Variants in TNIK observed in about 807,000 individuals in gnomAD.
The protein encoded by TNIK is TRAF2 and NCK interacting kinase.
A neutral mutation model predicts 191.3 loss-of-function variants in TNIK; 49 were observed. The observed-to-expected ratio is 0.26, with a 90% CI of 0.20 to 0.32. The LOEUF is 0.32. TNIK is among the 10% of genes least tolerant of loss of function. TNIK has a pLI of 1.00. For synonymous variants in TNIK, 594 were observed against 600.9 expected, an observed-to-expected ratio of 0.99 and a Z score of 0.17; for missense variants, 1,155 against 1,702.3, an observed-to-expected ratio of 0.68 and a Z score of 5.66.
At chr3:171,101,974 T>TG (rs1723646431) in intron 21 of TNIK, 1 of 169,138 alleles carries the variant, frequency 5.9e-6, no homozygotes, top group Admixed American at 6.4e-5. Flanking sequence ...CCAGAGTTAA[T>TG]GGGAAAATAT....
intron 25 of TNIK, 132 bp from the exon 26 acceptor site, chr3:171,084,457 C>T: frequency 9.5e-7 from 1 of 1,057,608 alleles, no homozygotes. Context: ...TGAAACTCTC[C>T]TTATTTTACA....
At chr3:171,101,905 A>T (rs1258770272) in intron 21 of TNIK, 1 of 259,654 alleles carries the variant, frequency 3.9e-6, no homozygotes, top group Non-Finnish European at 7.2e-6. Context: ...ATGTGTATGT[A>T]CACATATATA....
At chr3:171,093,815 TAC>T (rs748781374) in intron 23 of TNIK, 22 bp downstream of exon 23, 4 of 1,612,078 alleles carry the variant, frequency 2.5e-6, no homozygotes, top group Non-Finnish European at 3.4e-6. Context: ...GCATTTCCTC[TAC>T]ACAGTTTTTA....
chr3:171,263,454 C>T (rs1747923045), intron 2 of TNIK, among the ~76,000 whole-genome samples: 1 of 152,052 alleles, frequency 6.6e-6, no homozygotes. Flanking sequence ...CAGAGAGGAA[C>T]AATTTTGAGA....
At chr3:171,353,605 T>C (rs1713552872) in intron 2 of TNIK, among the ~76,000 whole-genome samples, 1 of 152,026 alleles carries the variant, frequency 6.6e-6, no homozygotes, top group South Asian at 2.1e-4. Context: ...ACATACTAAA[T>C]CTATGAAACA....
At chr3:171,126,630 G>A (rs1182414700) in intron 16 of TNIK, among the ~76,000 whole-genome samples, 1 of 152,158 alleles carries the variant, frequency 6.6e-6, no homozygotes, top group Non-Finnish European at 1.5e-5. Flanking sequence ...TTACACCGGA[G>A]CAATGTAAGG....
At chr3:171,083,952 G>T (rs56163219) in intron 26 of TNIK, among the ~76,000 whole-genome samples, 1,934 of 152,032 alleles carry the variant, frequency 0.013, 45 homozygotes, top group African/African-American at 0.045. Context: ...TCGTCTTCCT[G>T]GCTAGTAGCG....
chr3:171,163,019 G>A (rs1469452538), intron 10 of TNIK, among the ~76,000 whole-genome samples: 2 of 152,216 alleles, frequency 1.3e-5, no homozygotes, highest in African/African-American at 4.8e-5. Context: ...CCCTTCTCCA[G>A]GCAGTTAGCA....
At position 171,101,729 on chromosome 3, in the gene TNIK, A is replaced by C. The variant is rs1039192626; in HGVS notation, c.2407-96T>G. On this transcript the variant is annotated intron_variant, in intron 21 of 32. Coordinates refer to ENST00000436636, the MANE Select transcript of TNIK (RefSeq NM_015028.4). The stretch of plus-strand genomic sequence containing the variant: ...TGCTCCAGCTTAAGCAACAAGAAAA[A>C]AAAAAGCTCTATATAGAACTGTGAC... 2.9e-5 allele frequency: 37 copies of C among 1,282,648 alleles called. No homozygotes were observed. In the African/African-American group the frequency reaches 5.4e-4, roughly 19 times the overall value. 79.5% of individuals were successfully genotyped at this position (1,282,648 alleles called of 1,614,324 possible).
chr3:171,154,230 T>C (rs987835000), intron 12 of TNIK, among the ~76,000 whole-genome samples: 1 of 147,982 alleles, frequency 6.8e-6, no homozygotes, highest in Admixed American at 6.8e-5. Flanking sequence ...CCATGATTAC[T>C]GGCCAATAAG....
chr3:171,126,087 T>TC lies in TNIK; in HGVS notation c.1837dup (p.Glu613GlyfsTer42), dbSNP rs1728439462. ...CCCAGAGAGGCCCTTTGTGGGCTGC[T>TC]CGTGCACTGACTGGGAGGCGGTCAA... On this transcript the variant is annotated frameshift_variant, in exon 17 of 33. Transcript: ENST00000436636. LOFTEE classifies it high-confidence loss of function. The TC allele has an allele frequency of 6.2e-7, 1 of 1,605,792 alleles. No individual in the cohort carries two copies. Among genetic ancestry groups the TC allele is most frequent in the Non-Finnish European group, 8.5e-7 (1 of 1,175,466 alleles).
intron 18 of TNIK, among the ~76,000 whole-genome samples, chr3:171,118,768 C>T (rs1298934889): frequency 6.6e-6 from 1 of 152,138 alleles, no homozygotes; most frequent in Non-Finnish European, 1.5e-5. Flanking sequence ...CCCTTCCTTA[C>T]ACCTTATACA....
chr3:171,347,695 A>T (rs895748352), intron 2 of TNIK, among the ~76,000 whole-genome samples: 1 of 152,140 alleles, frequency 6.6e-6, no homozygotes, highest in African/African-American at 2.4e-5. Context: ...GGGAAGTTAG[A>T]AATCAGAACT....
chr3:171,317,255 G>A (rs952416475), intron 2 of TNIK, among the ~76,000 whole-genome samples: 2 of 152,158 alleles, frequency 1.3e-5, no homozygotes, highest in African/African-American at 2.4e-5. Flanking sequence ...CACAGACCAA[G>A]TATATTAACA....
intron 12 of TNIK, among the ~76,000 whole-genome samples, chr3:171,145,756 A>C (rs944490651): frequency 2.0e-5 from 3 of 150,490 alleles, no homozygotes; most frequent in Admixed American, 2.0e-4. Flanking sequence ...TATTCCTCAC[A>C]AGGGCTGTGG....
At chr3:171,071,679 C>T (rs953991256) in intron 28 of TNIK, among the ~76,000 whole-genome samples, 3 of 152,018 alleles carry the variant, frequency 2.0e-5, no homozygotes, top group African/African-American at 7.3e-5. Flanking sequence ...TACGTTCACC[C>T]ATATTTAAGT....
At chr3:171,256,657 G>C (rs1178125061) in intron 2 of TNIK, among the ~76,000 whole-genome samples, 1 of 152,170 alleles carries the variant, frequency 6.6e-6, no homozygotes, top group Non-Finnish European at 1.5e-5. Flanking sequence ...TAGCTGAGGA[G>C]TCATCCAATT....
intron 21 of TNIK, among the ~76,000 whole-genome samples, chr3:171,102,465 G>A (rs985524931): frequency 2.6e-5 from 4 of 152,116 alleles, no homozygotes; most frequent in Admixed American, 1.3e-4. Context: ...CATACTGCAG[G>A]CAGTGTGCTG....
At chr3:171,423,330 A>C (rs1724071596) in intron 1 of TNIK, among the ~76,000 whole-genome samples, 1 of 152,174 alleles carries the variant, frequency 6.6e-6, no homozygotes. Context: ...ATGAAATAAA[A>C]GAGGATACAA....
Sources: gnomAD v4.1 joint callset for allele counts (sites outside exome capture counted in the v4.1 genomes callset) on GRCh38, gnomAD v4.1.1 for gene constraint, MANE v1.5 for transcripts, NCBI Gene and HGNC (gene_info 2026-07-23, HGNC 2026-07-21) for gene names.